Variants in CSMD1 observed in about 807,000 individuals in gnomAD.
CSMD1 encodes the protein CUB and sushi domain-containing protein 1.
CSMD1 carries 213 observed loss-of-function variants against 417.5 expected under a neutral mutation model. That is an observed-to-expected ratio of 0.51 (90% CI 0.46 to 0.57). The LOEUF (loss-of-function observed/expected upper bound fraction) is 0.57, where lower values mean the gene tolerates loss of function less well. Ranked by LOEUF, CSMD1 falls within the 20% of genes least tolerant of loss-of-function variation. CSMD1 has a pLI of 0.00. For missense variants in CSMD1, 6,923 were observed against 4,529.7 expected, an observed-to-expected ratio of 1.53 and a Z score of -15.17; for synonymous variants, 2,862 against 1,736.8, an observed-to-expected ratio of 1.65 and a Z score of -16.11.
intron 42 of CSMD1, among the ~76,000 whole-genome samples, chr8:3,111,108 G>A (rs1022406516): frequency 6.6e-6 from 1 of 152,210 alleles, no homozygotes; most frequent in Non-Finnish European, 1.5e-5. Context: ...GCTAAGAGGT[G>A]TGAGATGAGT....
chr8:4,567,388 A>G (rs1798663144), intron 2 of CSMD1, among the ~76,000 whole-genome samples: 1 of 152,184 alleles, frequency 6.6e-6, no homozygotes, highest in African/African-American at 2.4e-5. Flanking sequence ...CAGGAATTAG[A>G]CACAATGGTG....
At position 3,029,507 on chromosome 8, in the gene CSMD1, G is replaced by A. The variant is rs1810191879; in HGVS notation, c.7667C>T (p.Ala2556Val). 1 of 1,593,078 alleles carries A rather than the reference G, an allele frequency of 6.3e-7. No individual in the cohort carries two copies. Among genetic ancestry groups the A allele is most frequent in the East Asian group, 2.3e-5 (1 of 44,150 alleles). Residue 2556 changes from alanine (A) to valine (V), a missense_variant, in exon 51 of 70, where the codon GCT (alanine) becomes GTT (valine). Transcript: ENST00000635120. ...GAGCTGAGCTTCAATGCTGGGGCAA[G>A]CGACCGCTGGAAGGGAAACGTACAT... Reference protein sequence around the residue: ...KGKPPTCKPVACPSIEAQLSE... With the variant: ...KGKPPTCKPVVCPSIEAQLSE...
chr8:4,074,693 A>C (rs1489720354), intron 3 of CSMD1, among the ~76,000 whole-genome samples: 1 of 152,132 alleles, frequency 6.6e-6, no homozygotes, highest in Non-Finnish European at 1.5e-5. Flanking sequence ...TTTTGTATAA[A>C]GATGACATTG....
In CSMD1 at chr8:3,542,722, C is replaced by T. The variant is rs1289453266; in HGVS notation, c.1344+32223G>A. On this transcript the variant is annotated intron_variant, in intron 10 of 69. Transcript: ENST00000635120. ...ATAACTGTCAAATGTGCTGGGGATG[C>T]TGTAGGTTGAGGTAAGAAGGAGCTG... 5.9e-5 allele frequency among the ~76,000 whole-genome samples: 9 copies of T among 152,170 alleles called. No individual in the cohort carries two copies. In the East Asian group the frequency reaches 1.7e-3, roughly 29 times the overall value.
At chr8:4,978,665 C>T (rs1026000128) in intron 1 of CSMD1, among the ~76,000 whole-genome samples, 8 of 152,100 alleles carry the variant, frequency 5.3e-5, no homozygotes, top group African/African-American at 7.2e-5. Context: ...GGGCCAGACA[C>T]GGTGGCTCAT....
At chr8:4,563,378 G>A (rs113214806) in intron 2 of CSMD1, among the ~76,000 whole-genome samples, 5,892 of 152,186 alleles carry the variant, frequency 0.039, 130 homozygotes, top group African/African-American at 0.067. Context: ...TCCAGCCTGG[G>A]TAACAGAGCG....
chr8:3,562,284 A>G (rs1004520053), intron 10 of CSMD1, among the ~76,000 whole-genome samples: 5 of 150,286 alleles, frequency 3.3e-5, no homozygotes, highest in African/African-American at 1.2e-4. Context: ...TCAACTGATG[A>G]GAGAGTTTTA....
chr8:4,399,871 C>T (rs529489822), intron 3 of CSMD1, among the ~76,000 whole-genome samples: 10 of 152,204 alleles, frequency 6.6e-5, no homozygotes, highest in African/African-American at 1.9e-4. Context: ...TAAAAGTGTA[C>T]CAAAGTAGTA....
intron 5 of CSMD1, among the ~76,000 whole-genome samples, chr8:3,855,252 AT>A (rs1407950034): frequency 2.6e-5 from 4 of 152,198 alleles, no homozygotes; most frequent in Admixed American, 2.6e-4. Flanking sequence ...ATAACCATAG[AT>A]TTTTACTATA....
chr8:4,591,962 T>G (rs181551496), intron 2 of CSMD1, among the ~76,000 whole-genome samples: 9 of 152,032 alleles, frequency 5.9e-5, no homozygotes, highest in Admixed American at 2.6e-4. Flanking sequence ...AACGCCTAGA[T>G]AGATGGAGAT....
chr8:4,292,257 T>C (rs1336139228), intron 3 of CSMD1, among the ~76,000 whole-genome samples: 1 of 152,014 alleles, frequency 6.6e-6, no homozygotes, highest in African/African-American at 2.4e-5. Context: ...GTTGTTGTTG[T>C]TTAGTTTTGT....
chr8:4,900,518 G>T (rs892992782), intron 1 of CSMD1, among the ~76,000 whole-genome samples: 17 of 152,118 alleles, frequency 1.1e-4, no homozygotes, highest in African/African-American at 4.1e-4. Flanking sequence ...TGGTCTGCCA[G>T]TCTCTGATTT....
chr8:3,841,061 C>G (rs940105264), intron 5 of CSMD1, among the ~76,000 whole-genome samples: 1 of 152,008 alleles, frequency 6.6e-6, no homozygotes, highest in African/African-American at 2.4e-5. Context: ...AGGACAAACA[C>G]TAAACTACAC....
At chr8:4,382,776 A>G (rs187927860) in intron 3 of CSMD1, among the ~76,000 whole-genome samples, 1 of 152,376 alleles carries the variant, frequency 6.6e-6, no homozygotes, top group East Asian at 1.9e-4. Context: ...GAAACACAAA[A>G]TAATAATGAT....
chr8:3,878,049 C>G (rs922811368), intron 5 of CSMD1, among the ~76,000 whole-genome samples: 8 of 151,920 alleles, frequency 5.3e-5, no homozygotes, highest in African/African-American at 1.9e-4. Flanking sequence ...CATCTAATTA[C>G]ATATTCATGC....
chr8:4,440,569 C>G (rs79698401), intron 2 of CSMD1, among the ~76,000 whole-genome samples: 2,671 of 152,224 alleles, frequency 0.018, 100 homozygotes, highest in African/African-American at 0.061. Flanking sequence ...ATGTAATTTT[C>G]AAAGATGCAA....
intron 2 of CSMD1, among the ~76,000 whole-genome samples, chr8:4,482,757 G>C (rs1322184676): frequency 6.6e-6 from 1 of 152,092 alleles, no homozygotes; most frequent in Non-Finnish European, 1.5e-5. Context: ...GCCAGCATCT[G>C]TTATTTTTTG....
chr8:4,230,369 T>C (rs1031129927), intron 3 of CSMD1, among the ~76,000 whole-genome samples: 4 of 152,208 alleles, frequency 2.6e-5, no homozygotes, highest in Admixed American at 6.5e-5. Flanking sequence ...TCTGGTGACC[T>C]ACCTGAGGTC....
intron 3 of CSMD1, among the ~76,000 whole-genome samples, chr8:4,081,581 A>G (rs887789780): frequency 2.6e-5 from 4 of 152,216 alleles, no homozygotes; most frequent in African/African-American, 9.6e-5. Context: ...GACCCAGAAC[A>G]CTATACCCAA....
Sources: gnomAD v4.1 joint callset for allele counts (sites outside exome capture counted in the v4.1 genomes callset) on GRCh38, gnomAD v4.1.1 for gene constraint, MANE v1.5 for transcripts, NCBI Gene and HGNC (gene_info 2026-07-23, HGNC 2026-07-21) for gene names.